Variants in EXOC5 observed in about 807,000 individuals in gnomAD.
EXOC5 encodes SEC10-like 1.
Under a neutral mutation model 90.8 loss-of-function variants are expected in EXOC5, and 17 were observed. The observed-to-expected ratio is 0.19, with a 90% confidence interval of 0.13 to 0.28. The LOEUF (loss-of-function observed/expected upper bound fraction) is 0.28. Ranked by LOEUF, EXOC5 falls within the 10% of genes least tolerant of loss-of-function variation. The pLI is 1.00. For synonymous variants in EXOC5, 260 were observed against 270.0 expected (o/e 0.96, Z 0.36); for missense variants, 569 against 830.6 (o/e 0.69, Z 3.87).
intron 1 of EXOC5, among the ~76,000 whole-genome samples, chr14:57,255,130 C>G (rs1884312946): frequency 6.6e-6 from 1 of 152,104 alleles, no homozygotes; most frequent in African/African-American, 2.4e-5. Context: ...AAAGCAGACA[C>G]AGTACAGACA....
Position 57,234,537 on chromosome 14 carries a change from G to GTGTA in EXOC5, c.670-506_670-505insTACA, listed in dbSNP as rs1555368939. 1.2e-3 allele frequency among the ~76,000 whole-genome samples: 172 copies of GTGTA among 141,170 alleles called. 1 individual carries two copies. The highest frequency in any genetic ancestry group is 4.3e-3 in the African/African-American group (167 of 38,706). The allele number at this position is 141,170 out of a possible 152,430, so 92.6% of individuals were successfully genotyped here. On this transcript the variant is annotated intron_variant, in intron 7 of 17. Coordinates refer to ENST00000621441, the MANE Select transcript of EXOC5 (RefSeq NM_006544.4). ...TGTGTGTGTGTGTGTGTGTGTGTGT[G>GTGTA]TATATATATATATATGTGTATATAT...
At chr14:57,250,934 C>T (rs1884170302) in intron 1 of EXOC5, among the ~76,000 whole-genome samples, 1 of 152,216 alleles carries the variant, frequency 6.6e-6, no homozygotes, top group Admixed American at 6.5e-5. Flanking sequence ...AACCATTCAA[C>T]TCTGCCACTG....
At chr14:57,261,872 G>T (rs1185498452) in intron 1 of EXOC5, among the ~76,000 whole-genome samples, 1 of 152,124 alleles carries the variant, frequency 6.6e-6, no homozygotes, top group African/African-American at 2.4e-5. Context: ...ACCTAACCTT[G>T]CAAATCACTA....
At chr14:57,263,152 C>A (rs959497006) in intron 1 of EXOC5, among the ~76,000 whole-genome samples, 1 of 152,170 alleles carries the variant, frequency 6.6e-6, no homozygotes, top group African/African-American at 2.4e-5. Context: ...AGCCCTCTTG[C>A]ATGAGGTATA....
intron 2 of EXOC5, 50 bp from the exon 3 acceptor site, chr14:57,246,908 T>C (rs1884048673): frequency 9.1e-7 from 1 of 1,096,380 alleles, no homozygotes; most frequent in South Asian, 1.5e-5. Flanking sequence ...TATTAATCCT[T>C]AGGAACTGAC....
At chr14:57,243,042 G>A (rs1022624703) in intron 4 of EXOC5, among the ~76,000 whole-genome samples, 1 of 152,168 alleles carries the variant, frequency 6.6e-6, no homozygotes, top group African/African-American at 2.4e-5. Context: ...CGGGAGCTAA[G>A]CTATGAGGAC....
At chr14:57,256,122 T>C (rs921169069) in intron 1 of EXOC5, among the ~76,000 whole-genome samples, 5 of 152,142 alleles carry the variant, frequency 3.3e-5, no homozygotes, top group African/African-American at 4.8e-5. Flanking sequence ...TGCCTGGTCA[T>C]ATTGTCTCTT....
intron 4 of EXOC5, among the ~76,000 whole-genome samples, chr14:57,241,804 T>C (rs1883866795): frequency 6.6e-6 from 1 of 152,038 alleles, no homozygotes; most frequent in Non-Finnish European, 1.5e-5. Context: ...TCAAGTATTA[T>C]CCACATGAGG....
At chr14:57,220,218 C>T (rs553673159) in intron 13 of EXOC5, among the ~76,000 whole-genome samples, 9 of 150,898 alleles carry the variant, frequency 6.0e-5, no homozygotes, top group East Asian at 1.9e-4. Flanking sequence ...CCCCTGCCCC[C>T]GCAAGTAAAA....
chr14:57,262,744 T>TATATATATAC (rs1884552356), intron 1 of EXOC5, among the ~76,000 whole-genome samples: 1 of 149,554 alleles, frequency 6.7e-6, no homozygotes, highest in African/African-American at 2.5e-5. Flanking sequence ...TATATATGTG[T>TATATATATAC]GTGTGTATAT....
chr14:57,222,451 A>G lies in EXOC5; in HGVS notation c.1297-35T>C, dbSNP rs189209705. 1.5e-5 allele frequency: 19 copies of G among 1,247,364 alleles called. No homozygotes were observed. The Admixed American group carries it at 2.1e-4, about 14-fold the overall frequency. 77.3% of individuals were successfully genotyped at this position (1,247,364 alleles called of 1,614,324 possible). A position where few individuals can be genotyped will look rare whatever the true frequency, so the allele number is the denominator to read the frequency against. On this transcript the variant is annotated intron_variant, in intron 12 of 17. Coordinates refer to ENST00000621441, the MANE Select transcript of EXOC5 (RefSeq NM_006544.4). ...AAAAATCAAACAATATCACTCCTCA[A>G]GTCTACCTTTTGAAAATGCCAATTT...
chr14:57,262,566 A>ATATATATACACATATATTAAG (rs1566508106), intron 1 of EXOC5, among the ~76,000 whole-genome samples: 6 of 139,438 alleles, frequency 4.3e-5, no homozygotes, highest in African/African-American at 1.6e-4. Flanking sequence ...GTGTGTGTGT[A>ATATATATACACATATATTAAG]TATATATATA....
chr14:57,262,715 ATGTG>A (rs955684035), intron 1 of EXOC5, among the ~76,000 whole-genome samples: 28 of 110,914 alleles, frequency 2.5e-4, no homozygotes, highest in African/African-American at 1.6e-3. Context: ...ATGTATATAT[ATGTG>A]TGTGTATATA....
Position 57,262,578 on chromosome 14 carries a change from G to A in EXOC5, c.27+6044C>T, listed in dbSNP as rs182310006. On this transcript the variant is annotated intron_variant, in intron 1 of 17. Coordinates refer to ENST00000621441, the MANE Select transcript of EXOC5 (RefSeq NM_006544.4). Reference sequence around the variant, plus strand: ...TGTGTGTGTGTGTATATATATATACGTATATATATACACATATATTAAGTA... The same window carrying A: ...TGTGTGTGTGTGTATATATATATACATATATATATACACATATATTAAGTA... 7.6e-3 allele frequency among the ~76,000 whole-genome samples: 1,068 copies of A among 141,044 alleles called. 16 individuals carry two copies. Among genetic ancestry groups the A allele is most frequent in the African/African-American group, 0.027 (1,013 of 38,042 alleles). 92.5% of individuals were successfully genotyped at this position (141,044 alleles called of 152,430 possible). A position where few individuals can be genotyped will look rare whatever the true frequency, so the allele number is the denominator to read the frequency against.
chr14:57,268,576 T>A, intron 1 of EXOC5, 46 bp downstream of exon 1: 1 of 1,565,854 alleles, frequency 6.4e-7, no homozygotes, highest in Non-Finnish European at 8.6e-7. Context: ...CCCAGCTGCC[T>A]GCAAACCCCG....
chr14:57,230,922 T>C (rs1261768319), intron 11 of EXOC5, among the ~76,000 whole-genome samples: 1 of 151,090 alleles, frequency 6.6e-6, no homozygotes, highest in Non-Finnish European at 1.5e-5. Context: ...AAAAAAAAAA[T>C]GAAAGAAACT....
At chr14:57,210,226 T>G (rs1882786269) in intron 15 of EXOC5, among the ~76,000 whole-genome samples, 165 bp from the exon 16 acceptor site, 1 of 152,140 alleles carries the variant, frequency 6.6e-6, no homozygotes, top group Non-Finnish European at 1.5e-5. Flanking sequence ...CAGCTCTAGG[T>G]CTTAATATGA....
intron 1 of EXOC5, among the ~76,000 whole-genome samples, chr14:57,262,355 G>GT (rs953708037): frequency 4.3e-4 from 65 of 152,122 alleles, no homozygotes; most frequent in Admixed American, 4.1e-3. Flanking sequence ...CACACAACTA[G>GT]TAAGAGGCAG....
At position 57,209,989 on chromosome 14, in the gene EXOC5, T is replaced by G; in HGVS notation, c.1686A>C (p.Pro562=). ...AAEQKKTDFK[P]EDENNVLIQY... ...GAATCAAAACATTGTTTTCATCTTC[T>G]GGCTTAAAATCTGTTTTCTTCTGTT... Residue 562 remains proline (P), a synonymous_variant, in exon 16 of 18, where the codon CCA becomes CCC. Coordinates refer to ENST00000621441, the MANE Select transcript of EXOC5 (RefSeq NM_006544.4). 2 of 1,588,158 alleles carry G rather than the reference T, an allele frequency of 1.3e-6. No homozygotes were observed. The highest frequency in any genetic ancestry group is 1.7e-6 in the Non-Finnish European group (2 of 1,160,334).
Sources: gnomAD v4.1 joint callset for allele counts (sites outside exome capture counted in the v4.1 genomes callset) on GRCh38, gnomAD v4.1.1 for gene constraint, MANE v1.5 for transcripts, NCBI Gene and HGNC (gene_info 2026-07-23, HGNC 2026-07-21) for gene names.